The following CAST variants were observed in gnomAD, a reference collection of about 807,000 sequenced individuals.
The protein encoded by CAST is calpastatin.
CAST carries 76 observed loss-of-function variants against 119.6 expected under a neutral mutation model. The observed-to-expected ratio is 0.64, with a 90% CI of 0.53 to 0.77. CAST has a LOEUF of 0.77. CAST is among the 30% of genes least tolerant of loss of function. The pLI, the probability that CAST is intolerant of heterozygous loss-of-function variation, is 0.00. For missense variants in CAST, 953 were observed against 946.5 expected (o/e 1.01, Z -0.09); for synonymous variants, 319 against 331.6 (o/e 0.96, Z 0.41).
chr5:96,690,972 G>A (rs1385808919), intron 2 of CAST, among the ~76,000 whole-genome samples: 2 of 152,190 alleles, frequency 1.3e-5, no homozygotes, highest in South Asian at 2.1e-4. Context: ...TCTAAGAAAT[G>A]TGTTGTTATG....
At chr5:96,421,350 A>G in the CAST span, among the ~76,000 whole-genome samples, 1 of 151,996 alleles carries the variant, frequency 6.6e-6, no homozygotes, top group East Asian at 1.9e-4. Context: ...GGCTGGCTCA[A>G]TGCCCTGGAG....
rs1773168313 is a variant in CAST at position 96,773,422 on chromosome 5, C to T, written c.*806C>T. On this transcript the variant is annotated 3_prime_UTR_variant, in exon 32 of 32. Transcript: ENST00000675179. ...ATTAATTCTTAGGGTACTCATCTGA[C>T]TTGAACTCTGTTGGTTTACTGTGTT... 6.6e-6 allele frequency: 1 copy of T among 152,416 alleles called. No individual in the cohort carries two copies. Among genetic ancestry groups the T allele is most frequent in the Admixed American group, 6.5e-5 (1 of 15,274 alleles). The allele number at this position is 152,416 out of a possible 1,614,324, so 9.4% of individuals were successfully genotyped here. A position where few individuals can be genotyped will look rare whatever the true frequency, so the allele number is the denominator to read the frequency against.
chr5:95,969,605 G>T, the CAST span, among the ~76,000 whole-genome samples: 22 of 152,250 alleles, frequency 1.4e-4, no homozygotes, highest in South Asian at 4.6e-3. Flanking sequence ...TGGAGAAAAG[G>T]AGAAGAATAT....
the CAST span, among the ~76,000 whole-genome samples, chr5:96,364,175 G>A: frequency 6.6e-6 from 1 of 152,180 alleles, no homozygotes; most frequent in African/African-American, 2.4e-5. Flanking sequence ...GCATCCCAGG[G>A]ATGAAGACAA....
At chr5:96,287,991 AAG>A in the CAST span, among the ~76,000 whole-genome samples, 2 of 152,194 alleles carry the variant, frequency 1.3e-5, no homozygotes, top group African/African-American at 4.8e-5. Context: ...ACATTAAGTG[AAG>A]AGAGTGAAAT....
the CAST span, among the ~76,000 whole-genome samples, chr5:96,039,565 G>C: frequency 5.9e-5 from 9 of 152,192 alleles, no homozygotes; most frequent in East Asian, 7.7e-4. Context: ...TGTGAGGAAG[G>C]GGTCCAGTTT....
chr5:96,321,114 A>C, the CAST span, among the ~76,000 whole-genome samples: 1 of 152,202 alleles, frequency 6.6e-6, no homozygotes. Context: ...TCACTCAGCT[A>C]TCTGCCTAGC....
intron 1 of CAST, chr5:96,663,039 C>T (rs1748780221): frequency 1.4e-6 from 1 of 697,924 alleles, no homozygotes; most frequent in Non-Finnish European, 2.6e-6. Flanking sequence ...CCAGCCCGGT[C>T]CCGGCCAAGC....
chr5:96,457,190 T>C, the CAST span, among the ~76,000 whole-genome samples: 1 of 152,148 alleles, frequency 6.6e-6, no homozygotes, highest in South Asian at 2.1e-4. Flanking sequence ...AATCCTCACA[T>C]CTGACTAATT....
At chr5:96,480,004 G>A in the CAST span, among the ~76,000 whole-genome samples, 3 of 152,172 alleles carry the variant, frequency 2.0e-5, no homozygotes, top group Admixed American at 1.3e-4. Context: ...ATCAAGAAAA[G>A]AAGCTGGAAA....
chr5:96,062,807 T>G, the CAST span, among the ~76,000 whole-genome samples: 1 of 152,128 alleles, frequency 6.6e-6, no homozygotes, highest in Non-Finnish European at 1.5e-5. Context: ...TGGAAAAGTA[T>G]AGAAGTCATG....
chr5:96,623,410 A>G (rs538646517), intron 1 of CAST, among the ~76,000 whole-genome samples: 1 of 152,356 alleles, frequency 6.6e-6, no homozygotes, highest in South Asian at 2.1e-4. Flanking sequence ...CTGCCCAGCA[A>G]ATTGCCCAGT....
chr5:96,103,057 A>T, the CAST span, among the ~76,000 whole-genome samples: 1 of 152,260 alleles, frequency 6.6e-6, no homozygotes, highest in African/African-American at 2.4e-5. Flanking sequence ...ATAAAGATTC[A>T]TGTCATAGAA....
intron 8 of CAST, 84 bp downstream of exon 8, chr5:96,729,809 T>G (rs1249356640): frequency 2.8e-6 from 2 of 723,860 alleles, no homozygotes; most frequent in African/African-American, 3.5e-5. Context: ...AGGTGTGTAG[T>G]TCAATCTATG....
At position 96,747,336 on chromosome 5, in the gene CAST, C is replaced by G; in HGVS notation, c.1285-9C>G. 1 of 1,573,830 alleles carries G rather than the reference C, an allele frequency of 6.4e-7. No individual in the cohort carries two copies. Among genetic ancestry groups the G allele is most frequent in the African/African-American group, 1.4e-5 (1 of 74,014 alleles). On this transcript the variant is annotated splice_polypyrimidine_tract_variant and intron_variant, in intron 17 of 31. Coordinates refer to ENST00000675179, the MANE Select transcript of CAST (RefSeq NM_001750.7). ...TTTCATTTCCAATGAATTTTAATTT[C>G]ATTTACAGGATAAAGATGGAAAACC...
chr5:96,342,612 A>G, the CAST span, among the ~76,000 whole-genome samples: 1 of 152,228 alleles, frequency 6.6e-6, no homozygotes, highest in African/African-American at 2.4e-5. Context: ...CCTAATTATA[A>G]AATGGAAAGG....
At chr5:96,755,829 C>A (rs1291982738) in intron 22 of CAST, among the ~76,000 whole-genome samples, 1 of 152,174 alleles carries the variant, frequency 6.6e-6, no homozygotes, top group East Asian at 1.9e-4. Flanking sequence ...AATTTGGGCT[C>A]ATTTGTACAT....
chr5:96,086,438 G>A, the CAST span, among the ~76,000 whole-genome samples: 16 of 152,210 alleles, frequency 1.1e-4, no homozygotes, highest in South Asian at 4.2e-4. Flanking sequence ...TTTCTAAAGC[G>A]TTGGGAAATA....
In CAST at chr5:96,733,403, A is replaced by G. The variant is rs373286811; in HGVS notation, c.630+2543A>G. On this transcript the variant is annotated intron_variant, in intron 9 of 31. Transcript: ENST00000675179. The stretch of plus-strand genomic sequence containing the variant: ...AAGGCAGAGGATTAGGCCCGCTAAA[A>G]TAGATTTTTAAATGTAATCAAAATT... Among the ~76,000 whole-genome samples, 4 of 152,238 alleles carry G rather than the reference A, an allele frequency of 2.6e-5. No individual in the cohort carries two copies. In the East Asian group the frequency reaches 7.7e-4, roughly 29 times the overall value.
Sources: allele counts gnomAD v4.1 joint callset (sites outside exome capture counted in the v4.1 genomes callset), GRCh38; gene constraint gnomAD v4.1.1; transcripts MANE v1.5; gene names NCBI Gene and HGNC (gene_info 2026-07-23, HGNC 2026-07-21).